Variants in APLF observed in about 807,000 individuals in gnomAD.
The protein encoded by APLF is aprataxin and PNK-like factor.
In APLF, 61 loss-of-function variants were observed where a neutral mutation model predicts 55.6. The observed-to-expected ratio is 1.10, with a 90% CI of 0.89 to 1.36. APLF has a LOEUF of 1.36. Among genes scored for constraint, APLF ranks in the 40% most tolerant of loss-of-function variants. The pLI, the probability that APLF is intolerant of heterozygous loss-of-function variation, is 0.00. For synonymous variants in APLF, 207 were observed against 214.8 expected, an observed-to-expected ratio of 0.96 and a Z score of 0.32; for missense variants, 611 against 602.5, an observed-to-expected ratio of 1.01 and a Z score of -0.15.
chr2:68,497,247 C>T (rs1257216125), intron 2 of APLF, among the ~76,000 whole-genome samples: 3 of 151,950 alleles, frequency 2.0e-5, no homozygotes, highest in Admixed American at 1.3e-4. Context: ...CAGGAGCAAG[C>T]GAGAGAGAAT....
rs1671690578 is a variant in APLF at position 68,578,799 on chromosome 2, C to T, written c.*777C>T. On this transcript the variant is annotated 3_prime_UTR_variant, in exon 10 of 10. Coordinates refer to ENST00000303795, the MANE Select transcript of APLF (RefSeq NM_173545.3). ...GAATAGAGAAACGACATAACTTTCT[C>T]AAATGGCATTAGTTTTGCCTTAGTT... The T allele has an allele frequency of 1.0e-6, 1 of 985,098 alleles. No individual in the cohort carries two copies. Among genetic ancestry groups the T allele is most frequent in the Non-Finnish European group, 1.2e-6 (1 of 829,870 alleles). The allele number at this position is 985,098 out of a possible 1,614,324, so 61.0% of individuals were successfully genotyped here. A position where few individuals can be genotyped will look rare whatever the true frequency, so the allele number is the denominator to read the frequency against.
chr2:68,572,629 A>T (rs1671500473), intron 9 of APLF, among the ~76,000 whole-genome samples: 1 of 152,192 alleles, frequency 6.6e-6, no homozygotes, highest in South Asian at 2.1e-4. Context: ...TGAGCCCAGG[A>T]GTTCATGACC....
chr2:68,565,458 C>T (rs1671277021), intron 8 of APLF, among the ~76,000 whole-genome samples: 2 of 151,608 alleles, frequency 1.3e-5, no homozygotes. Flanking sequence ...AGACCTGTCT[C>T]TAAGACAGAT....
intron 8 of APLF, among the ~76,000 whole-genome samples, chr2:68,557,381 G>T (rs1280741055): frequency 6.6e-6 from 1 of 152,224 alleles, no homozygotes; most frequent in African/African-American, 2.4e-5. Context: ...GGTTGAATCT[G>T]CAGGTGCTGA....
At chr2:68,488,207 A>G (rs1434007891) in intron 1 of APLF, among the ~76,000 whole-genome samples, 1 of 152,098 alleles carries the variant, frequency 6.6e-6, no homozygotes, top group Non-Finnish European at 1.5e-5. Flanking sequence ...GGAAGTAACA[A>G]TGAGATTTTG....
intron 2 of APLF, among the ~76,000 whole-genome samples, chr2:68,491,485 G>T (rs545219157): frequency 2.0e-5 from 3 of 152,180 alleles, no homozygotes; most frequent in Non-Finnish European, 4.4e-5. Flanking sequence ...GAACATGGTA[G>T]ATTTTTACAA....
intron 1 of APLF, among the ~76,000 whole-genome samples, chr2:68,476,803 G>A (rs1675790747): frequency 6.6e-6 from 1 of 152,072 alleles, no homozygotes; most frequent in African/African-American, 2.4e-5. Flanking sequence ...TTGGAGTGAT[G>A]AATACATCCT....
chr2:68,523,623 CAT>C (rs948685602), intron 5 of APLF, among the ~76,000 whole-genome samples: 9 of 150,384 alleles, frequency 6.0e-5, no homozygotes, highest in East Asian at 1.9e-4. Flanking sequence ...TTTAATGATA[CAT>C]ATATATATAT....
At chr2:68,479,425 C>G (rs1489345576) in intron 1 of APLF, among the ~76,000 whole-genome samples, 1 of 152,112 alleles carries the variant, frequency 6.6e-6, no homozygotes, top group African/African-American at 2.4e-5. Context: ...GCCAAAAAGT[C>G]AGGGGTGAAG....
At chr2:68,547,687 A>G (rs1670744263) in intron 8 of APLF, among the ~76,000 whole-genome samples, 1 of 151,848 alleles carries the variant, frequency 6.6e-6, no homozygotes, top group Non-Finnish European at 1.5e-5. Context: ...CACCATAGTC[A>G]AAAACTGAAT....
intron 1 of APLF, among the ~76,000 whole-genome samples, chr2:68,468,499 C>T (rs901226726): frequency 6.6e-6 from 1 of 152,064 alleles, no homozygotes. Context: ...TTTTATTATC[C>T]TCATTGTTCA....
intron 2 of APLF, among the ~76,000 whole-genome samples, chr2:68,499,171 T>A (rs1324657613): frequency 6.6e-6 from 1 of 152,214 alleles, no homozygotes; most frequent in Non-Finnish European, 1.5e-5. Context: ...TTTGCAGGGA[T>A]AATGCATCCT....
At chr2:68,480,407 C>A (rs1215139541) in intron 1 of APLF, among the ~76,000 whole-genome samples, 1 of 151,670 alleles carries the variant, frequency 6.6e-6, no homozygotes, top group African/African-American at 2.4e-5. Flanking sequence ...CAGATTCAAG[C>A]AATTCTCTGC....
At chr2:68,507,599 T>G (rs1002922390) in intron 3 of APLF, among the ~76,000 whole-genome samples, 8 of 151,956 alleles carry the variant, frequency 5.3e-5, no homozygotes, top group African/African-American at 1.9e-4. Flanking sequence ...AATACTTGGT[T>G]TTATATTTTA....
At chr2:68,491,468 G>T (rs1176259039) in intron 2 of APLF, among the ~76,000 whole-genome samples, 1 of 152,164 alleles carries the variant, frequency 6.6e-6, no homozygotes. Flanking sequence ...GGCATATCTA[G>T]GAGTGGGAAC....
At chr2:68,570,352 T>C (rs1200318209) in intron 9 of APLF, among the ~76,000 whole-genome samples, 3 of 151,966 alleles carry the variant, frequency 2.0e-5, no homozygotes, top group Non-Finnish European at 4.4e-5. Flanking sequence ...TGCAGGTTTG[T>C]TACATATGTA....
chr2:68,567,241 A>C (rs1160380785), intron 8 of APLF, 100 bp from the exon 9 acceptor site: 1 of 1,014,636 alleles, frequency 9.9e-7, no homozygotes, highest in South Asian at 1.5e-5. Flanking sequence ...ATTGGGTCCT[A>C]AGTTTATTTG....
rs372060333 is a variant in APLF at position 68,578,513 on chromosome 2, A to T, written c.*491A>T. On this transcript the variant is annotated 3_prime_UTR_variant, in exon 10 of 10. Transcript: ENST00000303795. ...TGGCGTTTTTTTTCTAGTACCTTAG[A>T]TGTGAGCTTTGCAATTTCACTTACT... 1.0e-6 allele frequency: 1 copy of T among 986,262 alleles called. No individual in the cohort carries two copies. The allele number at this position is 986,262 out of a possible 1,614,324, so 61.1% of individuals were successfully genotyped here. A position where few individuals can be genotyped will look rare whatever the true frequency, so the allele number is the denominator to read the frequency against.
At chr2:68,487,150 C>A (rs1165554333) in intron 1 of APLF, among the ~76,000 whole-genome samples, 2 of 152,078 alleles carry the variant, frequency 1.3e-5, no homozygotes, top group Non-Finnish European at 2.9e-5. Flanking sequence ...ATAAGCAGGA[C>A]CAAATGAAAG....
Sources: gnomAD v4.1 joint callset for allele counts (sites outside exome capture counted in the v4.1 genomes callset) on GRCh38, gnomAD v4.1.1 for gene constraint, MANE v1.5 for transcripts, NCBI Gene and HGNC (gene_info 2026-07-23, HGNC 2026-07-21) for gene names.